Variants in NLGN1 observed in about 807,000 individuals in gnomAD.
NLGN1 encodes the protein neuroligin 1.
A neutral mutation model predicts 65.5 loss-of-function variants in NLGN1; 12 were observed. The ratio of observed to expected loss-of-function variants is 0.18; its 90% CI spans 0.12 to 0.30. The LOEUF (loss-of-function observed/expected upper bound fraction) is 0.30, where lower values mean the gene tolerates loss of function less well. Ranked by LOEUF, NLGN1 falls within the 10% of genes least tolerant of loss-of-function variation. The pLI is 1.00. For synonymous variants in NLGN1, 350 were observed against 359.5 expected (o/e 0.97, Z 0.30); for missense variants, 750 against 1,007.1 (o/e 0.74, Z 3.46).
At chr3:173,499,818 T>C (rs894457466) in intron 2 of NLGN1, among the ~76,000 whole-genome samples, 4 of 151,938 alleles carry the variant, frequency 2.6e-5, no homozygotes, top group African/African-American at 9.7e-5. Context: ...TTTGAAGCAA[T>C]TGTGAATGGG....
chr3:173,818,882 C>G (rs2150518099), intron 4 of NLGN1, among the ~76,000 whole-genome samples: 1 of 63,866 alleles, frequency 1.6e-5, no homozygotes, highest in Admixed American at 1.5e-4. Flanking sequence ...TTTTGTTCTG[C>G]CTTTGAATAG....
intron 3 of NLGN1, among the ~76,000 whole-genome samples, chr3:173,770,434 A>G (rs1258625925): frequency 6.6e-6 from 1 of 152,172 alleles, no homozygotes; most frequent in Non-Finnish European, 1.5e-5. Context: ...AAATTAATAG[A>G]TTTTAAAAGT....
At chr3:173,533,128 A>G (rs2149190295) in intron 2 of NLGN1, among the ~76,000 whole-genome samples, 1 of 152,350 alleles carries the variant, frequency 6.6e-6, no homozygotes, top group African/African-American at 2.4e-5. Flanking sequence ...TATTAGATTT[A>G]ATCTTTAGAA....
chr3:173,964,262 T>C (rs1714293306), intron 4 of NLGN1, among the ~76,000 whole-genome samples: 1 of 152,062 alleles, frequency 6.6e-6, no homozygotes, highest in African/African-American at 2.4e-5. Flanking sequence ...TGCAGGGCAG[T>C]GAGTGGAGGG....
At chr3:173,985,340 G>C (rs766769433) in intron 4 of NLGN1, among the ~76,000 whole-genome samples, 13 of 152,128 alleles carry the variant, frequency 8.5e-5, no homozygotes, top group Non-Finnish European at 1.2e-4. Flanking sequence ...ATTAGAGCCT[G>C]TACCTACCAC....
At chr3:173,695,597 G>T in intron 3 of NLGN1, 3 of 306,212 alleles carry the variant, frequency 9.8e-6, no homozygotes, top group African/African-American at 2.2e-5. Context: ...TAAATATTTT[G>T]TTTCTATTTT....
chr3:173,893,196 A>T (rs1394116031), intron 4 of NLGN1, among the ~76,000 whole-genome samples: 1 of 152,050 alleles, frequency 6.6e-6, no homozygotes, highest in African/African-American at 2.4e-5. Flanking sequence ...GACCTTCCTA[A>T]CTAAAGACAC....
chr3:173,862,079 T>G (rs1477239407), intron 4 of NLGN1, among the ~76,000 whole-genome samples: 2 of 151,992 alleles, frequency 1.3e-5, no homozygotes, highest in Non-Finnish European at 2.9e-5. Flanking sequence ...AATTTTTCAT[T>G]TTATACCACT....
At chr3:173,927,644 T>A (rs758281613) in intron 4 of NLGN1, among the ~76,000 whole-genome samples, 1 of 152,080 alleles carries the variant, frequency 6.6e-6, no homozygotes, top group South Asian at 2.1e-4. Flanking sequence ...CATTTGCACA[T>A]TTTTCAAGAG....
At chr3:173,936,396 T>A (rs146828590) in intron 4 of NLGN1, among the ~76,000 whole-genome samples, 400 of 152,128 alleles carry the variant, frequency 2.6e-3, no homozygotes, top group African/African-American at 9.2e-3. Flanking sequence ...TTTAGAAATT[T>A]CAGGTCAATA....
At chr3:173,474,018 G>T (rs1725763413) in intron 2 of NLGN1, among the ~76,000 whole-genome samples, 3 of 152,174 alleles carry the variant, frequency 2.0e-5, no homozygotes, top group Admixed American at 2.0e-4. Context: ...CCCAGGGCTA[G>T]AAAGAAAATA....
At chr3:173,605,143 T>G in intron 3 of NLGN1, 52 bp downstream of exon 2, 1 of 1,406,866 alleles carries the variant, frequency 7.1e-7, no homozygotes, top group African/African-American at 1.4e-5. Flanking sequence ...TTTTTTCTAT[T>G]CTAAGTTCTA....
intron 4 of NLGN1, among the ~76,000 whole-genome samples, chr3:173,891,062 C>G (rs1207778218): frequency 2.0e-5 from 3 of 152,122 alleles, no homozygotes; most frequent in East Asian, 3.9e-4. Flanking sequence ...GGAGCTTGCC[C>G]TTATTCAAGC....
intron 3 of NLGN1, among the ~76,000 whole-genome samples, chr3:173,793,462 C>T (rs1051929932): frequency 2.0e-5 from 3 of 152,088 alleles, no homozygotes; most frequent in Admixed American, 2.0e-4. Flanking sequence ...AGATGATGGT[C>T]ATCCCTGTTG....
At chr3:174,072,646 A>G (rs1560976145) in intron 4 of NLGN1, among the ~76,000 whole-genome samples, 1 of 152,118 alleles carries the variant, frequency 6.6e-6, no homozygotes, top group Non-Finnish European at 1.5e-5. Flanking sequence ...TGCTTCCCAC[A>G]AAGCTTGCAG....
chr3:174,153,684 A>AAAAAAGAGC (rs1178338530), intron 4 of NLGN1, among the ~76,000 whole-genome samples: 12 of 152,194 alleles, frequency 7.9e-5, no homozygotes, highest in Non-Finnish European at 1.5e-4. Flanking sequence ...AATCAGCTAC[A>AAAAAAGAGC]TATTGAGCTC....
In NLGN1 at chr3:173,704,200, T is replaced by A. The variant is rs1424472752; in HGVS notation, c.493+99109T>A. ...ACTGGGAAGACAAAGTTGTTATAAG[T>A]GTGGCACATAGAAGTGTGTCCTAAT... On this transcript the variant is annotated intron_variant, in intron 3 of 6. Transcript: ENST00000457714. Among the ~76,000 whole-genome samples the A allele has an allele frequency of 2.6e-5, 4 of 152,318 alleles. No homozygotes were observed. In the East Asian group the frequency reaches 7.7e-4, roughly 29 times the overall value.
chr3:173,763,374 G>A, intron 3 of NLGN1, among the ~76,000 whole-genome samples: 1 of 151,992 alleles, frequency 6.6e-6, no homozygotes, highest in East Asian at 1.9e-4. Context: ...TCTACTCTGT[G>A]CTAGACAAAA....
intron 2 of NLGN1, among the ~76,000 whole-genome samples, chr3:173,505,235 A>G (rs1378423292): frequency 6.6e-6 from 1 of 152,046 alleles, no homozygotes; most frequent in Non-Finnish European, 1.5e-5. Context: ...ACCTCCTTGA[A>G]TTATCCTAGT....
Sources: allele counts gnomAD v4.1 joint callset (sites outside exome capture counted in the v4.1 genomes callset), GRCh38; gene constraint gnomAD v4.1.1; transcripts MANE v1.5; gene names NCBI Gene and HGNC (gene_info 2026-07-23, HGNC 2026-07-21).